Variants in FGD6 observed in about 807,000 individuals in gnomAD.
FGD6 encodes the protein FYVE, RhoGEF and PH domain containing 6, also known as FYVE, RhoGEF and PH domain-containing protein 6.
FGD6 carries 90 observed loss-of-function variants against 149.4 expected under a neutral mutation model. The observed-to-expected ratio is 0.60, with a 90% CI of 0.51 to 0.72. The LOEUF is 0.72. Ranked by LOEUF, FGD6 falls within the 30% of genes least tolerant of loss-of-function variation. The pLI is 0.00. For synonymous variants in FGD6, 527 were observed against 584.0 expected, an observed-to-expected ratio of 0.90 and a Z score of 1.41; for missense variants, 1,437 against 1,684.8, an observed-to-expected ratio of 0.85 and a Z score of 2.57.
intron 9 of FGD6, among the ~76,000 whole-genome samples, chr12:95,110,803 T>A (rs1878795629): frequency 6.6e-6 from 1 of 152,204 alleles, no homozygotes; most frequent in African/African-American, 2.4e-5. Flanking sequence ...AAGCTGCTGC[T>A]GCTACTTGGT....
intron 2 of FGD6, among the ~76,000 whole-genome samples, chr12:95,198,968 C>T (rs1046004004): frequency 7.1e-6 from 1 of 140,830 alleles, no homozygotes; most frequent in Non-Finnish European, 1.6e-5. Context: ...ATTTTAAAAA[C>T]AGCCATATAA....
chr12:95,082,185 ACTT>A (rs1877697022), intron 20 of FGD6, among the ~76,000 whole-genome samples: 2 of 152,202 alleles, frequency 1.3e-5, no homozygotes, highest in South Asian at 4.1e-4. Flanking sequence ...CTTTATTACA[ACTT>A]CTTTTTTATC....
At chr12:95,169,695 G>C (rs1345561917) in intron 3 of FGD6, among the ~76,000 whole-genome samples, 1 of 152,196 alleles carries the variant, frequency 6.6e-6, no homozygotes, top group Non-Finnish European at 1.5e-5. Flanking sequence ...AGTATGGAAA[G>C]AAATGGGAAA....
At chr12:95,215,562 C>A (rs67304054) in intron 1 of FGD6, among the ~76,000 whole-genome samples, 17,006 of 152,240 alleles carry the variant, frequency 0.11, 1,394 homozygotes, top group African/African-American at 0.23. Flanking sequence ...GTAGTTGATG[C>A]TTCTCAGCCA....
chr12:95,209,548 T>C lies in FGD6; in HGVS notation c.1736A>G (p.Asn579Ser). ...GGTGACAGACTTTAAGAATTCTGGG[T>C]TCCCTGAAAAGGGTAAAATAGGATG... is the stretch of plus-strand genomic sequence containing the variant. Reference protein sequence around the residue: ...LPHPILPFSGNPEFLKSVTVS... With the variant: ...LPHPILPFSGSPEFLKSVTVS... The change falls in exon 2 of 21, where the codon AAC becomes AGC. Residue 579 changes from asparagine to serine, a missense_variant. Transcript: ENST00000343958. 2 of 1,614,138 alleles carry C rather than the reference T, an allele frequency of 1.2e-6. No individual in the cohort carries two copies. The highest frequency in any genetic ancestry group is 1.7e-6 in the Non-Finnish European group (2 of 1,180,026).
rs1178212924 is a variant in FGD6, at chr12:95,210,529, T to C, written c.755A>G (p.His252Arg). ...ACTGTCATCCTGGCAAGTTTCAAAA[T>C]GTTCACATTCATCACTAGGAAGCTG... is the stretch of plus-strand genomic sequence containing the variant. ...HLQLPSDECE[H>R]FETCQDDSEK... Residue 252 changes from histidine to arginine, a missense_variant, in exon 2 of 21, where the codon CAT (histidine) becomes CGT (arginine). Coordinates refer to ENST00000343958, the MANE Select transcript of FGD6 (RefSeq NM_018351.4). The C allele has an allele frequency of 1.9e-6, 3 of 1,613,976 alleles. No individual in the cohort carries two copies. Among genetic ancestry groups the C allele is most frequent in the Non-Finnish European group, 2.5e-6 (3 of 1,180,034 alleles).
intron 6 of FGD6, among the ~76,000 whole-genome samples, chr12:95,139,950 A>G (rs1879796951): frequency 6.6e-6 from 1 of 152,154 alleles, no homozygotes; most frequent in South Asian, 2.1e-4. Flanking sequence ...CACGACCTTT[A>G]AAGACTACAT....
rs567465984 is a variant in FGD6, at chr12:95,094,761, T to C, written c.3498-67A>G. 5.8e-6 allele frequency: 7 copies of C among 1,214,078 alleles called. No individual in the cohort carries two copies. The African/African-American group carries it at 1.0e-4, about 18-fold the overall frequency. 75.2% of individuals were successfully genotyped at this position (1,214,078 alleles called of 1,614,324 possible). On this transcript the variant is annotated intron_variant, in intron 14 of 20. Coordinates refer to ENST00000343958, the MANE Select transcript of FGD6 (RefSeq NM_018351.4). The stretch of plus-strand genomic sequence containing the variant: ...TGTTCTTTTCCTTTTTCTTCTTTTC[T>C]TTCTCCCATGGCAACAGATCCCACC...
chr12:95,106,706 C>T (rs1878636657), intron 13 of FGD6, among the ~76,000 whole-genome samples: 1 of 151,972 alleles, frequency 6.6e-6, no homozygotes, highest in Admixed American at 6.6e-5. Context: ...GACCAGCCTG[C>T]CAACATGGTG....
At chr12:95,180,079 C>CA (rs148087005) in intron 2 of FGD6, among the ~76,000 whole-genome samples, 58,402 of 138,610 alleles carry the variant, frequency 0.42, 12,469 homozygotes, top group African/African-American at 0.52. Context: ...ACTCTGCCTC[C>CA]AAAAAAAAAA....
chr12:95,102,901 G>T (rs1325417686), intron 14 of FGD6, among the ~76,000 whole-genome samples: 1 of 152,170 alleles, frequency 6.6e-6, no homozygotes, highest in African/African-American at 2.4e-5. Context: ...TAATCTGGAA[G>T]ATCAAGATAA....
intron 20 of FGD6, among the ~76,000 whole-genome samples, chr12:95,081,924 G>A (rs1025595125): frequency 4.6e-5 from 7 of 151,934 alleles, no homozygotes; most frequent in East Asian, 1.9e-4. Flanking sequence ...GGCCTGCCTC[G>A]GCCTCCCAAA....
At chr12:95,148,089 AGCT>A (rs1880067519) in intron 5 of FGD6, among the ~76,000 whole-genome samples, 2 of 152,148 alleles carry the variant, frequency 1.3e-5, no homozygotes, top group African/African-American at 4.8e-5. Flanking sequence ...ACATGAAAGA[AGCT>A]GCTCCAGAGT....
rs1238468828 is a variant in FGD6, at chr12:95,156,534, CCCGAAACTT to C, written c.2587-3550_2587-3542del. ...AAGATGTTATCAATGACAATGTGTG[CCCGAAACTT>C]CATTAGCAATTTTAATTTCGCCCCG... On this transcript the variant is annotated intron_variant, in intron 3 of 20. Transcript: ENST00000343958. Among the ~76,000 whole-genome samples, 6 of 152,260 alleles carry C rather than the reference CCCGAAACTT, an allele frequency of 3.9e-5. No individual in the cohort carries two copies. The South Asian group carries it at 1.2e-3, about 32-fold the overall frequency.
chr12:95,114,276 G>C (rs1201989808), intron 8 of FGD6, among the ~76,000 whole-genome samples: 1 of 152,010 alleles, frequency 6.6e-6, no homozygotes, highest in African/African-American at 2.4e-5. Flanking sequence ...TCATAACTGG[G>C]GAAAAGCGGG....
chr12:95,216,008 T>C (rs957193356), intron 1 of FGD6, among the ~76,000 whole-genome samples: 4 of 152,212 alleles, frequency 2.6e-5, no homozygotes, highest in Non-Finnish European at 5.9e-5. Flanking sequence ...AAGCCTCCCT[T>C]TGGCAAAGAA....
intron 2 of FGD6, among the ~76,000 whole-genome samples, chr12:95,189,871 A>G (rs1881540121): frequency 6.6e-6 from 1 of 152,208 alleles, no homozygotes; most frequent in African/African-American, 2.4e-5. Context: ...TAAAAAGACA[A>G]AATGGATTTC....
intron 8 of FGD6, among the ~76,000 whole-genome samples, chr12:95,125,332 A>G (rs764336208): frequency 6.6e-6 from 1 of 152,212 alleles, no homozygotes; most frequent in Non-Finnish European, 1.5e-5. Flanking sequence ...TTTCCATAGC[A>G]TTAAAATATT....
At position 95,113,661 on chromosome 12, in the gene FGD6, T is replaced by A; in HGVS notation, c.3123A>T (p.Arg1041Ser). 6.3e-7 allele frequency: 1 copy of A among 1,594,392 alleles called. No individual in the cohort carries two copies. The highest frequency in any genetic ancestry group is 8.5e-7 in the Non-Finnish European group (1 of 1,172,708). ...ACAGAAGTTATTTACCTTGAGTGTCTCTGTAATCTCCAGCATCTTCTATGA... is the reference window on the plus strand; with the variant it reads ...ACAGAAGTTATTTACCTTGAGTGTCACTGTAATCTCCAGCATCTTCTATGA... ...KNLIEDAGDY[R>S]DTQDALAVVI... is the part of the protein sequence containing the mutation. The change falls in exon 9 of 21, where the codon AGA becomes AGT. Residue 1041 changes from arginine (R) to serine (S), a missense_variant. Transcript: ENST00000343958.
Sources: gnomAD v4.1 joint callset for allele counts (sites outside exome capture counted in the v4.1 genomes callset) on GRCh38, gnomAD v4.1.1 for gene constraint, MANE v1.5 for transcripts, NCBI Gene and HGNC (gene_info 2026-07-23, HGNC 2026-07-21) for gene names.